GPRC5C: variants seen among roughly 807,000 people sequenced by gnomAD.
The protein encoded by GPRC5C is G protein-coupled receptor class C group 5 member C.
A neutral mutation model predicts 31.4 loss-of-function variants in GPRC5C; 22 were observed. The observed-to-expected ratio is 0.70, with a 90% CI of 0.50 to 1.00. The LOEUF is 1.00. GPRC5C is among the 50% of genes least tolerant of loss of function. GPRC5C has a pLI of 0.00. For synonymous variants in GPRC5C, 249 were observed against 257.5 expected, an observed-to-expected ratio of 0.97 and a Z score of 0.32; for missense variants, 557 against 597.2, an observed-to-expected ratio of 0.93 and a Z score of 0.70.
At chr17:74,450,185 A>C (rs957019828), downstream of GPRC5C, 2 of 152,272 alleles carry the variant, frequency 1.3e-5, no homozygotes, top group African/African-American at 4.8e-5. Context: ...GTGCTCACTA[A>C]GGAGTTAGGA....
At chr17:74,436,071 C>G (rs570790796) in intron 1 of GPRC5C, among the ~76,000 whole-genome samples, 2 of 152,322 alleles carry the variant, frequency 1.3e-5, no homozygotes, top group Admixed American at 6.5e-5. Flanking sequence ...GGCTATGCCC[C>G]CATGATGCTA....
Position 74,440,109 on chromosome 17 carries a change from C to A in GPRC5C, c.333C>A (p.Pro111=), listed in dbSNP as rs753091198. ...TCGTGTTTGCCTGTGTGGTGAAGCCCGACTTCTCCACCTGTGCCTCTCGGC... is the reference window on the plus strand; with the variant it reads ...TCGTGTTTGCCTGTGTGGTGAAGCCAGACTTCTCCACCTGTGCCTCTCGGC... ...FCLVFACVVK[P]DFSTCASRRF... is the part of the protein sequence containing the mutation. Residue 111 remains proline (P), a synonymous_variant, in exon 2 of 4, where the codon CCC becomes CCA. Coordinates refer to ENST00000392627, the MANE Select transcript of GPRC5C (RefSeq NM_022036.4). The surrounding 1 kb of genome is among the most constrained non-coding windows in gnomAD (Gnocchi z 4.4). The A allele has an allele frequency of 2.5e-6, 4 of 1,614,076 alleles. No individual in the cohort carries two copies. The South Asian group carries it at 4.4e-5, about 18-fold the overall frequency.
At position 74,440,671 on chromosome 17, in the gene GPRC5C, G is replaced by A. The variant is rs773026883; in HGVS notation, c.895G>A (p.Glu299Lys). The change falls in exon 2 of 4, where the codon GAG becomes AAG. Residue 299 changes from glutamate (E) to lysine (K), a missense_variant. By Grantham distance (56) the Glu-to-Lys change is moderately conservative. Transcript: ENST00000392627. The surrounding 1 kb of genome is among the most constrained non-coding windows in gnomAD (Gnocchi z 4.4). ...CTTCGTCCTCTTCTACGTCATCCCC[G>A]AGGTCTCCCAGGTGACCAAGTCCAG... The part of the protein sequence containing the change: ...WAFVLFYVIP[E>K]VSQVTKSSPE... 7 of 1,607,918 alleles carry A rather than the reference G, an allele frequency of 4.4e-6. No homozygotes were observed. Among genetic ancestry groups the A allele is most frequent in the East Asian group, 2.2e-5 (1 of 44,688 alleles).
intron 1 of GPRC5C, among the ~76,000 whole-genome samples, chr17:74,439,348 A>G (rs998953965): frequency 6.6e-6 from 1 of 152,210 alleles, no homozygotes; most frequent in African/African-American, 2.4e-5. Flanking sequence ...CTGAAGCCTG[A>G]AAGTCCCAGG....
At position 74,440,636 on chromosome 17, in the gene GPRC5C, A is replaced by C; in HGVS notation, c.860A>C (p.Asn287Thr). Residue 287 changes from asparagine (N) to threonine (T), a missense_variant, in exon 2 of 4, where the codon AAT (asparagine) becomes ACT (threonine). Coordinates refer to ENST00000392627, the MANE Select transcript of GPRC5C (RefSeq NM_022036.4). The surrounding 1 kb of genome is among the most constrained non-coding windows in gnomAD (Gnocchi z 4.4). ...ACGCTGGCCATCGCCCTCGCCGCCAATGCCTGGGCCTTCGTCCTCTTCTAC... is the reference window on the plus strand; with the variant it reads ...ACGCTGGCCATCGCCCTCGCCGCCACTGCCTGGGCCTTCGTCCTCTTCTAC... ...DPTLAIALAA[N>T]AWAFVLFYVI... The C allele has an allele frequency of 6.2e-7, 1 of 1,607,618 alleles. No homozygotes were observed. The highest frequency in any genetic ancestry group is 8.5e-7 in the Non-Finnish European group (1 of 1,174,662).
chr17:74,437,320 C>G (rs1420830902), intron 1 of GPRC5C, among the ~76,000 whole-genome samples: 1 of 152,138 alleles, frequency 6.6e-6, no homozygotes, highest in African/African-American at 2.4e-5. Context: ...ACAAAGTCCC[C>G]TACAGAAGCT....
At chr17:74,443,141 C>G (rs547307033) in intron 2 of GPRC5C, 2 of 168,158 alleles carry the variant, frequency 1.2e-5, no homozygotes, top group East Asian at 1.9e-4. Flanking sequence ...CGGGGTGCGT[C>G]AGCAGCCCTC....
In GPRC5C at chr17:74,439,985, T is replaced by G; in HGVS notation, c.209T>G (p.Ile70Ser). Residue 70 changes from isoleucine (I) to serine (S), a missense_variant, in exon 2 of 4, where the codon ATC becomes AGC. Coordinates refer to ENST00000392627, the MANE Select transcript of GPRC5C (RefSeq NM_022036.4). ...GIVTTFVLTI[I>S]LVASLPFVQD... ...GTCACCACGTTTGTGCTCACCATCA[T>G]CCTGGTGGCCAGCCTCCCCTTTGTG... 6.2e-7 allele frequency: 1 copy of G among 1,610,048 alleles called. No individual in the cohort carries two copies. Among genetic ancestry groups the G allele is most frequent in the South Asian group, 1.1e-5 (1 of 91,088 alleles).
At chr17:74,432,267 A>C in intron 1 of GPRC5C, 126 bp downstream of exon 1, 1 of 1,494,184 alleles carries the variant, frequency 6.7e-7, no homozygotes, top group Non-Finnish European at 8.9e-7. Flanking sequence ...TGCAGGCTCC[A>C]GCCCACCCTC....
intron 1 of GPRC5C, chr17:74,433,642 A>C (rs1301918191): frequency 1.5e-6 from 2 of 1,339,654 alleles, no homozygotes; most frequent in African/African-American, 2.9e-5. Context: ...GTCTTTCCCT[A>C]TAGGCTCTTG....
chr17:74,440,652 C>T lies in GPRC5C; in HGVS notation c.876C>T (p.Val292=). 1.2e-6 allele frequency: 2 copies of T among 1,608,358 alleles called. No individual in the cohort carries two copies. The highest frequency in any genetic ancestry group is 1.7e-6 in the Non-Finnish European group (2 of 1,175,334). The change falls in exon 2 of 4, where the codon GTC becomes GTT. Residue 292 remains valine, a synonymous_variant. Coordinates refer to ENST00000392627, the MANE Select transcript of GPRC5C (RefSeq NM_022036.4). This position sits in a 1 kb window ranked among gnomAD's most constrained non-coding sequence, Gnocchi z 4.4. ...IALAANAWAF[V]LFYVIPEVSQ... ...TCGCCGCCAATGCCTGGGCCTTCGTCCTCTTCTACGTCATCCCCGAGGTCT... is the reference window on the plus strand; with the variant it reads ...TCGCCGCCAATGCCTGGGCCTTCGTTCTCTTCTACGTCATCCCCGAGGTCT...
intron 3 of GPRC5C, among the ~76,000 whole-genome samples, chr17:74,444,778 C>T (rs1567964216): frequency 2.0e-5 from 3 of 152,202 alleles, no homozygotes; most frequent in Non-Finnish European, 4.4e-5. Flanking sequence ...GGGGAGTGGG[C>T]AGCCACAGAA....
chr17:74,439,909 C>G lies in GPRC5C; in HGVS notation c.133C>G (p.Arg45Gly). The G allele has an allele frequency of 6.2e-7, 1 of 1,612,694 alleles. No individual in the cohort carries two copies. Among genetic ancestry groups the G allele is most frequent in the Non-Finnish European group, 8.5e-7 (1 of 1,180,018 alleles). Residue 45 changes from arginine to glycine, a missense_variant, in exon 2 of 4, where the codon CGC becomes GGC. Coordinates refer to ENST00000392627, the MANE Select transcript of GPRC5C (RefSeq NM_022036.4). ...CCCCCTGTACTACAACCTGTGTGACCGCTCTGGGGCGTGGGGCATCGTCCT... is the reference window on the plus strand; with the variant it reads ...CCCCCTGTACTACAACCTGTGTGACGGCTCTGGGGCGTGGGGCATCGTCCT... ...LNPLYYNLCD[R>G]SGAWGIVLEA...
chr17:74,433,797 C>T, intron 1 of GPRC5C: 1 of 1,456,598 alleles, frequency 6.9e-7, no homozygotes, highest in Non-Finnish European at 9.6e-7. Flanking sequence ...CGCGCTGGAG[C>T]TCTCTTTCCA....
intron 1 of GPRC5C, among the ~76,000 whole-genome samples, chr17:74,439,171 T>G (rs941519183): frequency 2.0e-5 from 3 of 152,240 alleles, no homozygotes; most frequent in Non-Finnish European, 2.9e-5. Context: ...ACTGGAGACT[T>G]GGCACTAAAA....
intron 3 of GPRC5C, among the ~76,000 whole-genome samples, chr17:74,444,487 C>T (rs1340682916): frequency 6.6e-6 from 1 of 152,150 alleles, no homozygotes; most frequent in East Asian, 1.9e-4. Flanking sequence ...GGATTCTACT[C>T]ACTCCTATAT....
chr17:74,448,125 A>G (rs2055669853), downstream of GPRC5C, among the ~76,000 whole-genome samples: 1 of 152,102 alleles, frequency 6.6e-6, no homozygotes, highest in Non-Finnish European at 1.5e-5. Flanking sequence ...CCTGGGTAAC[A>G]TAGTGAGACC....
At chr17:74,437,826 A>G (rs2055456375) in intron 1 of GPRC5C, among the ~76,000 whole-genome samples, 2 of 152,024 alleles carry the variant, frequency 1.3e-5, no homozygotes, top group Admixed American at 1.3e-4. Flanking sequence ...AGAGAGTTAG[A>G]TAATGCCATT....
chr17:74,440,365 G>A lies in GPRC5C; in HGVS notation c.589G>A (p.Ala197Thr), dbSNP rs1198267039. Reference protein sequence around the residue: ...GPQGNSSAGWAVASPCAIANM... With the variant: ...GPQGNSSAGWTVASPCAIANM... ...TCAGGGCAACAGCAGCGCAGGCTGGGCCGTGGCCTCCCCCTGTGCCATCGC... is the reference window on the plus strand; with the variant it reads ...TCAGGGCAACAGCAGCGCAGGCTGGACCGTGGCCTCCCCCTGTGCCATCGC... The change falls in exon 2 of 4, where the codon GCC (alanine) becomes ACC (threonine). Residue 197 changes from alanine (A) to threonine (T), a missense_variant. Ala to Thr is a moderately conservative substitution (Grantham distance 58, BLOSUM62 0). Coordinates refer to ENST00000392627, the MANE Select transcript of GPRC5C (RefSeq NM_022036.4). This position sits in a 1 kb window ranked among gnomAD's most constrained non-coding sequence, Gnocchi z 4.4. The A allele has an allele frequency of 6.2e-6, 10 of 1,614,128 alleles. No individual in the cohort carries two copies. Among genetic ancestry groups the A allele is most frequent in the Non-Finnish European group, 8.5e-6 (10 of 1,180,014 alleles).
Sources: gnomAD v4.1 joint callset for allele counts (sites outside exome capture counted in the v4.1 genomes callset) on GRCh38, gnomAD v4.1.1 for gene constraint, Gnocchi (gnomAD v3.1) non-coding constraint, MANE v1.5 for transcripts, NCBI Gene and HGNC (gene_info 2026-07-23, HGNC 2026-07-21) for gene names.